Variants in BCR observed in about 807,000 individuals in gnomAD.
BCR encodes the protein breakpoint cluster region protein.
In BCR, 58 loss-of-function variants were observed where a neutral mutation model predicts 138.6. The ratio of observed to expected loss-of-function variants is 0.42; its 90% CI spans 0.34 to 0.52. The LOEUF is 0.52. Ranked by LOEUF, BCR falls within the 20% of genes least tolerant of loss-of-function variation. BCR has a pLI of 0.06. For synonymous variants in BCR, 786 were observed against 730.1 expected (o/e 1.08, Z -1.23); for missense variants, 1,599 against 1,727.2 (o/e 0.93, Z 1.32).
chr22:23,214,417 C>T (rs1358789461), intron 1 of BCR, among the ~76,000 whole-genome samples: 2 of 152,246 alleles, frequency 1.3e-5, no homozygotes, highest in African/African-American at 2.4e-5. Context: ...GAAGGCTGCC[C>T]AGCTCAGCCT....
intron 16 of BCR, among the ~76,000 whole-genome samples, chr22:23,299,865 G>A (rs756909788): frequency 3.9e-5 from 6 of 152,164 alleles, no homozygotes; most frequent in East Asian, 1.9e-4. Flanking sequence ...TCTCCACCAC[G>A]CTGTGCATGT....
At chr22:23,265,251 C>T (rs1220361014) in intron 4 of BCR, among the ~76,000 whole-genome samples, 1 of 152,218 alleles carries the variant, frequency 6.6e-6, no homozygotes, top group East Asian at 1.9e-4. Context: ...GGAGGAGAGG[C>T]TGGCGTTGCA....
At chr22:23,201,306 T>G (rs2072550764) in intron 1 of BCR, among the ~76,000 whole-genome samples, 1 of 152,224 alleles carries the variant, frequency 6.6e-6, no homozygotes, top group Admixed American at 6.5e-5. Flanking sequence ...TAAGCTCACC[T>G]GGGTTGCTGG....
chr22:23,229,158 G>A (rs937696405), intron 1 of BCR, among the ~76,000 whole-genome samples: 1 of 151,942 alleles, frequency 6.6e-6, no homozygotes, highest in South Asian at 2.1e-4. Context: ...AACCCCTCCA[G>A]GTAATTGTTT....
chr22:23,187,441 G>C (rs2072358827), intron 1 of BCR, among the ~76,000 whole-genome samples: 1 of 151,638 alleles, frequency 6.6e-6, no homozygotes, highest in South Asian at 2.1e-4. Context: ...TTGTGTTGCA[G>C]CTGGCTCGAT....
intron 5 of BCR, among the ~76,000 whole-genome samples, chr22:23,271,330 G>C (rs1229237827): frequency 1.3e-5 from 2 of 152,246 alleles, no homozygotes; most frequent in Admixed American, 1.3e-4. Flanking sequence ...CCCTGTCCCA[G>C]GTGGACCGCA....
chr22:23,196,657 G>C (rs2072486777), intron 1 of BCR, among the ~76,000 whole-genome samples: 2 of 152,192 alleles, frequency 1.3e-5, no homozygotes, highest in Admixed American at 1.3e-4. Context: ...GGATGGGACT[G>C]TTAACAGCTC....
intron 14 of BCR, chr22:23,290,803 T>C (rs1223260097): frequency 2.5e-5 from 6 of 240,164 alleles, no homozygotes; most frequent in Admixed American, 4.9e-5. Context: ...GGCTGCTCTG[T>C]CGAGCTGGAT....
chr22:23,229,743 A>G (rs913738202), intron 1 of BCR, among the ~76,000 whole-genome samples: 1 of 152,128 alleles, frequency 6.6e-6, no homozygotes, highest in African/African-American at 2.4e-5. Context: ...GATCTTCCCT[A>G]TACTCTCTAC....
intron 9 of BCR, among the ~76,000 whole-genome samples, chr22:23,284,822 C>T (rs1602103560): frequency 6.6e-6 from 1 of 152,332 alleles, no homozygotes; most frequent in East Asian, 1.9e-4. Flanking sequence ...ATGCCTGGGG[C>T]CTGCGGTCAC....
At chr22:23,183,932 C>G (rs1328535855) in intron 1 of BCR, among the ~76,000 whole-genome samples, 1 of 152,186 alleles carries the variant, frequency 6.6e-6, no homozygotes, top group African/African-American at 2.4e-5. Context: ...AGCCCAGTGC[C>G]TTGAGTCAGA....
chr22:23,278,706 C>A (rs1602096526), intron 8 of BCR, among the ~76,000 whole-genome samples: 1 of 152,110 alleles, frequency 6.6e-6, no homozygotes, highest in African/African-American at 2.4e-5. Flanking sequence ...TGCACTCCAG[C>A]CTGGGCAACA....
At position 23,202,893 on chromosome 22, in the gene BCR, T is replaced by A. The variant is rs115312004; in HGVS notation, c.1279+20654T>A. Among the ~76,000 whole-genome samples the A allele has an allele frequency of 1.7e-3, 257 of 152,228 alleles. 2 individuals carry two copies. The highest frequency in any genetic ancestry group is 5.8e-3 in the African/African-American group (243 of 41,542). ...TTTTGTTTGTTTTTGAAACAGGATC[T>A]CGCTCTGCCATCTCACTCTGCATCT... is the stretch of plus-strand genomic sequence containing the variant. On this transcript the variant is annotated intron_variant, in intron 1 of 22. Transcript: ENST00000305877.
chr22:23,180,844 C>T lies in BCR; in HGVS notation c.-117C>T. 2.4e-6 allele frequency: 1 copy of T among 409,954 alleles called. No homozygotes were observed. The highest frequency in any genetic ancestry group is 2.7e-6 in the Non-Finnish European group (1 of 374,378). 25.4% of individuals were successfully genotyped at this position (409,954 alleles called of 1,614,324 possible). A position where few individuals can be genotyped will look rare whatever the true frequency, so the allele number is the denominator to read the frequency against. On this transcript the variant is annotated 5_prime_UTR_variant, in exon 1 of 23. Transcript: ENST00000305877. Reference sequence around the variant, plus strand: ...GGGCGGGCATTGTTCGCCGCCGCCGCCGCCGCGCGGGCCATGGGGGCCGCC... The same window carrying T: ...GGGCGGGCATTGTTCGCCGCCGCCGTCGCCGCGCGGGCCATGGGGGCCGCC...
At chr22:23,199,268 GA>G (rs2072520283) in intron 1 of BCR, 1 of 518,884 alleles carries the variant, frequency 1.9e-6, no homozygotes, top group African/African-American at 1.9e-5. Context: ...CAAGAGCCAG[GA>G]AGGCTCTAGA....
At chr22:23,205,642 A>T (rs961710112) in intron 1 of BCR, among the ~76,000 whole-genome samples, 3 of 144,084 alleles carry the variant, frequency 2.1e-5, no homozygotes, top group South Asian at 2.2e-4. Context: ...TGAACCAATA[A>T]TTTTTTTTTT....
chr22:23,271,721 T>C lies in BCR; in HGVS notation c.1921+129T>C, dbSNP rs112378124. 4 of 856,620 alleles carry C rather than the reference T, an allele frequency of 4.7e-6. No individual in the cohort carries two copies. The African/African-American group carries it at 6.7e-5, about 14-fold the overall frequency. The allele number at this position is 856,620 out of a possible 1,614,324, so 53.1% of individuals were successfully genotyped here. On this transcript the variant is annotated intron_variant, in intron 6 of 22. Transcript: ENST00000305877. ...CCTTGGTGCCTTCCCTGTTCTCTCT[T>C]CAGATAGAGTGGGCACGAGGAAAGA...
Position 23,315,756 on chromosome 22 carries a change from G to C in BCR, c.*234G>C. The C allele has an allele frequency of 1.6e-6, 1 of 606,548 alleles. No homozygotes were observed. The highest frequency in any genetic ancestry group is 1.6e-5 in the South Asian group (1 of 62,778). 37.6% of individuals were successfully genotyped at this position (606,548 alleles called of 1,614,324 possible). On this transcript the variant is annotated 3_prime_UTR_variant, in exon 23 of 23. Transcript: ENST00000305877. ...GTGGTTTTTTATGTGGCCACCTGAG[G>C]GCGCCCCAAGCCAGTTCATCTCGGA...
chr22:23,314,812 G>T, intron 22 of BCR, 98 bp downstream of exon 22: 1 of 1,452,236 alleles, frequency 6.9e-7, no homozygotes, highest in Non-Finnish European at 9.5e-7. Flanking sequence ...TACTTGCATT[G>T]TATGTGGTGT....
Sources: allele counts gnomAD v4.1 joint callset (sites outside exome capture counted in the v4.1 genomes callset), GRCh38; gene constraint gnomAD v4.1.1; transcripts MANE v1.5; gene names NCBI Gene and HGNC (gene_info 2026-07-23, HGNC 2026-07-21).